Variants in TWF1 observed in about 807,000 individuals in gnomAD.
TWF1 encodes the protein twinfilin actin binding protein 1.
TWF1 carries 14 observed loss-of-function variants against 47.9 expected under a neutral mutation model. The ratio of observed to expected loss-of-function variants is 0.29; its 90% confidence interval spans 0.19 to 0.46. The LOEUF (loss-of-function observed/expected upper bound fraction) is 0.46. Among genes scored for constraint, TWF1 ranks in the 20% least tolerant of loss-of-function variants. The probability of loss-of-function intolerance (pLI) is 1.00; values close to 1 mark genes in which losing one functional copy is unlikely to be tolerated. For missense variants in TWF1, 281 were observed against 409.3 expected, an observed-to-expected ratio of 0.69 and a Z score of 2.70; for synonymous variants, 96 against 139.2, an observed-to-expected ratio of 0.69 and a Z score of 2.18.
intron 2 of TWF1, 43 bp downstream of exon 2, chr12:43,804,452 C>A (rs778423433): frequency 8.2e-7 from 1 of 1,217,954 alleles, no homozygotes; most frequent in Non-Finnish European, 1.2e-6. Context: ...ATACAACAGC[C>A]ACTAATCCAG....
chr12:43,803,897 G>A (rs1177483432), intron 2 of TWF1, among the ~76,000 whole-genome samples: 1 of 151,982 alleles, frequency 6.6e-6, no homozygotes, highest in African/African-American at 2.4e-5. Flanking sequence ...ATTTATGACT[G>A]AGTACCTATA....
In TWF1 at chr12:43,794,229, AT is replaced by A. The variant is rs1047547515; in HGVS notation, c.*1355del. ...GCAACATTATTGTCAGTTATTTTGC[AT>A]GTTTAAATATTATAGTCTGATTATT... On this transcript the variant is annotated 3_prime_UTR_variant, in exon 9 of 9. Transcript: ENST00000395510. 2.0e-5 allele frequency: 3 copies of A among 152,784 alleles called. No individual in the cohort carries two copies. The highest frequency in any genetic ancestry group is 3.4e-3 in the Middle Eastern group (1 of 294). 9.5% of individuals were successfully genotyped at this position (152,784 alleles called of 1,614,324 possible). A position where few individuals can be genotyped will look rare whatever the true frequency, so the allele number is the denominator to read the frequency against.
rs1000142159 is a variant in TWF1 at position 43,794,431 on chromosome 12, A to C, written c.*1154T>G. On this transcript the variant is annotated 3_prime_UTR_variant, in exon 9 of 9. Coordinates refer to ENST00000395510, the MANE Select transcript of TWF1 (RefSeq NM_002822.5). Reference sequence around the variant, plus strand: ...CACTATGAAATGTGCATTTCCGATAAGTGATTTATGCAGCATAAAGTTTAG... The same window carrying C: ...CACTATGAAATGTGCATTTCCGATACGTGATTTATGCAGCATAAAGTTTAG... 112 of 151,372 alleles carry C rather than the reference A, an allele frequency of 7.4e-4. No homozygotes were observed. Among genetic ancestry groups the C allele is most frequent in the South Asian group, 1.5e-3 (7 of 4,730 alleles). The allele number at this position is 151,372 out of a possible 1,614,324, so 9.4% of individuals were successfully genotyped here.
At chr12:43,798,734 C>T in intron 5 of TWF1, 2 of 886,632 alleles carry the variant, frequency 2.3e-6, no homozygotes, top group South Asian at 3.9e-5. Flanking sequence ...ATTCTCCAGA[C>T]TGATTCCTAC....
At position 43,793,865 on chromosome 12, in the gene TWF1, T is replaced by G. The variant is rs567569462; in HGVS notation, c.*1720A>C. On this transcript the variant is annotated 3_prime_UTR_variant, in exon 9 of 9. Transcript: ENST00000395510. The stretch of plus-strand genomic sequence containing the variant: ...TATGATACTGCCAACTAAAACATAC[T>G]GTAAACGATGAGTTATACTCTATAA... 2.1e-4 allele frequency: 32 copies of G among 152,660 alleles called. No homozygotes were observed. Among genetic ancestry groups the G allele is most frequent in the African/African-American group, 7.7e-4 (32 of 41,460 alleles). The allele number at this position is 152,660 out of a possible 1,614,324, so 9.5% of individuals were successfully genotyped here.
At position 43,794,234 on chromosome 12, in the gene TWF1, TA is replaced by T. The variant is rs1462667663; in HGVS notation, c.*1350del. 6.5e-6 allele frequency: 1 copy of T among 152,674 alleles called. No individual in the cohort carries two copies. Among genetic ancestry groups the T allele is most frequent in the Non-Finnish European group, 1.5e-5 (1 of 68,042 alleles). 9.5% of individuals were successfully genotyped at this position (152,674 alleles called of 1,614,324 possible). On this transcript the variant is annotated 3_prime_UTR_variant, in exon 9 of 9. Transcript: ENST00000395510. Reference sequence around the variant, plus strand: ...ATTATTGTCAGTTATTTTGCATGTTTAAATATTATAGTCTGATTATTTGTAA... The same window carrying T: ...ATTATTGTCAGTTATTTTGCATGTTTAATATTATAGTCTGATTATTTGTAA...
At chr12:43,803,827 C>T (rs1942706245) in intron 2 of TWF1, among the ~76,000 whole-genome samples, 1 of 151,886 alleles carries the variant, frequency 6.6e-6, no homozygotes, top group African/African-American at 2.4e-5. Context: ...GTTACTTTTC[C>T]AAAGCAAAAT....
Position 43,804,552 on chromosome 12 carries a change from T to G in TWF1, c.46A>C (p.Ile16Leu), listed in dbSNP as rs777364108. 4 of 1,603,576 alleles carry G rather than the reference T, an allele frequency of 2.5e-6. No homozygotes were observed. The South Asian group carries it at 4.5e-5, about 18-fold the overall frequency. ...GIQASEDVKEIFARARNGKYR... is the reference protein window; with the variant it reads ...GIQASEDVKELFARARNGKYR... ...TTTCCATTTCTGGCTCTGGCAAAGA[T>G]CTCTTTAACATCTTCACTTGCTGTG... The change falls in exon 2 of 9, where the codon ATC becomes CTC. Residue 16 changes from isoleucine to leucine, a missense_variant. Coordinates refer to ENST00000395510, the MANE Select transcript of TWF1 (RefSeq NM_002822.5).
At position 43,795,800 on chromosome 12, in the gene TWF1, A is replaced by G. The variant is rs140531012; in HGVS notation, c.883-45T>C. The G allele has an allele frequency of 9.2e-5, 146 of 1,592,918 alleles. 1 individual carries two copies. The Admixed American group carries it at 2.5e-3, about 27-fold the overall frequency. On this transcript the variant is annotated intron_variant, in intron 8 of 8. Transcript: ENST00000395510. ...AAGCACAACATTCAAAACCTAATAC[A>G]AGCAACAAGCTGGTTTTCAGGTATA...
intron 1 of TWF1, among the ~76,000 whole-genome samples, chr12:43,805,003 CAG>C (rs1942731413): frequency 6.6e-6 from 1 of 152,174 alleles, no homozygotes; most frequent in African/African-American, 2.4e-5. Flanking sequence ...TTAAAAACAA[CAG>C]TATATATCAA....
chr12:43,802,484 G>A lies in TWF1; in HGVS notation c.104-20C>T, dbSNP rs1942679247. On this transcript the variant is annotated intron_variant, in intron 2 of 8. Transcript: ENST00000395510. Reference sequence around the variant, plus strand: ...GTTGCTCTATGAAAAATTATTTTTAGAAAGATAGGTAAATGGTTTGAGATA... The same window carrying A: ...GTTGCTCTATGAAAAATTATTTTTAAAAAGATAGGTAAATGGTTTGAGATA... 1 of 1,577,262 alleles carries A rather than the reference G, an allele frequency of 6.3e-7. No homozygotes were observed.
At chr12:43,796,489 C>G (rs1053678758) in intron 8 of TWF1, among the ~76,000 whole-genome samples, 1 of 152,040 alleles carries the variant, frequency 6.6e-6, no homozygotes, top group African/African-American at 2.4e-5. Context: ...AATGTTTATG[C>G]TTATTCCTTC....
At chr12:43,804,714 G>T (rs748386643) in intron 1 of TWF1, 142 bp from the exon 2 acceptor site, 24 of 532,378 alleles carry the variant, frequency 4.5e-5, no homozygotes, top group Non-Finnish European at 7.7e-5. Context: ...AAACTTTACC[G>T]CATAAAATAA....
At chr12:43,798,591 T>G in intron 5 of TWF1, 1 of 1,519,026 alleles carries the variant, frequency 6.6e-7, no homozygotes, top group Non-Finnish European at 8.8e-7. Context: ...GGGCTCTGAT[T>G]GCAAGAAATA....
chr12:43,795,502 A>G lies in TWF1; in HGVS notation c.*83T>C. ...AGTACAATTTTTTTCCCTACTTTAT[A>G]TCAACATGGAATGATTTCAGTTCTC... On this transcript the variant is annotated 3_prime_UTR_variant, in exon 9 of 9. Coordinates refer to ENST00000395510, the MANE Select transcript of TWF1 (RefSeq NM_002822.5). 7.3e-7 allele frequency: 1 copy of G among 1,372,678 alleles called. No individual in the cohort carries two copies. 85.0% of individuals were successfully genotyped at this position (1,372,678 alleles called of 1,614,324 possible).
In TWF1 at chr12:43,800,527, G is replaced by T. The variant is rs751521751; in HGVS notation, c.286C>A (p.Arg96Ser). ...GTTGCTGCATACAACATTTTTTGACGAACCTATTCAGTTGTGAAAGTTTAC... is the reference window on the plus strand; with the variant it reads ...GTTGCTGCATACAACATTTTTTGACTAACCTATTCAGTTGTGAAAGTTTAC... ...IAWSPDHSHVRQKMLYAATRA... is the reference protein window; with the variant it reads ...IAWSPDHSHVSQKMLYAATRA... The change falls in exon 4 of 9, where the codon CGT becomes AGT. Residue 96 changes from arginine (R) to serine (S), a missense_variant. Physicochemically the swap from Arg to Ser is moderately radical, Grantham distance 110. Coordinates refer to ENST00000395510, the MANE Select transcript of TWF1 (RefSeq NM_002822.5). 6.2e-7 allele frequency: 1 copy of T among 1,611,974 alleles called. No homozygotes were observed. Among genetic ancestry groups the T allele is most frequent in the Non-Finnish European group, 8.5e-7 (1 of 1,178,840 alleles).
At chr12:43,796,943 C>G in intron 8 of TWF1, 33 bp downstream of exon 8, 1 of 1,599,034 alleles carries the variant, frequency 6.3e-7, no homozygotes, top group Non-Finnish European at 8.5e-7. Context: ...AAAAATTTAG[C>G]AAAAACTGAA....
chr12:43,806,099 C>A (rs1034036637), intron 1 of TWF1, 122 bp downstream of exon 1: 14 of 1,521,272 alleles, frequency 9.2e-6, no homozygotes, highest in Non-Finnish European at 1.2e-5. Flanking sequence ...GCCCGGCTCG[C>A]CCCGCGAGAC....
intron 2 of TWF1, chr12:43,804,166 TGA>T: frequency 5.2e-6 from 2 of 387,136 alleles, no homozygotes; most frequent in Admixed American, 3.1e-5. Flanking sequence ...TTTTTTTTTT[TGA>T]TAATCACCTG....
Sources: allele counts gnomAD v4.1 joint callset (sites outside exome capture counted in the v4.1 genomes callset), GRCh38; gene constraint gnomAD v4.1.1; transcripts MANE v1.5; gene names NCBI Gene and HGNC (gene_info 2026-07-23, HGNC 2026-07-21).